Variants in ZFYVE9 observed in about 807,000 individuals in gnomAD.
ZFYVE9 encodes the protein zinc finger FYVE domain-containing protein 9.
In ZFYVE9, 43 loss-of-function variants were observed where a neutral mutation model predicts 126.7. The ratio of observed to expected loss-of-function variants is 0.34; its 90% confidence interval spans 0.27 to 0.44. The LOEUF is 0.44. Among genes scored for constraint, ZFYVE9 ranks in the 20% least tolerant of loss-of-function variants. The pLI is 1.00. For missense variants in ZFYVE9, 1,476 were observed against 1,697.0 expected (o/e 0.87, Z 2.29); for synonymous variants, 521 against 597.4 (o/e 0.87, Z 1.87).
rs1557473256 is a variant in ZFYVE9 at position 52,237,925 on chromosome 1, AATAATT to A, written c.514_519del (p.Tyr172_Asn173del). On this transcript the variant is annotated inframe_deletion, in exon 4 of 19. Coordinates refer to ENST00000287727, the MANE Select transcript of ZFYVE9 (RefSeq NM_004799.4). ...ATTACAAAACGATTTACAGGATTGT[AATAATT>A]ATAATAGTCAATCCCTTATGGATGC... 6.2e-7 allele frequency: 1 copy of A among 1,614,050 alleles called. No individual in the cohort carries two copies. Among genetic ancestry groups the A allele is most frequent in the Non-Finnish European group, 8.5e-7 (1 of 1,179,944 alleles).
chr1:52,153,983 C>G (rs1007714548), intron 1 of ZFYVE9, among the ~76,000 whole-genome samples: 5 of 152,228 alleles, frequency 3.3e-5, no homozygotes, highest in African/African-American at 1.2e-4. Context: ...AGTACATTAG[C>G]TGTGCCTGCA....
At chr1:52,177,042 C>G (rs753968889) in intron 1 of ZFYVE9, among the ~76,000 whole-genome samples, 1 of 152,094 alleles carries the variant, frequency 6.6e-6, no homozygotes, top group Non-Finnish European at 1.5e-5. Context: ...GAGATGAACC[C>G]GGTACCTCAG....
In ZFYVE9 at chr1:52,156,838, C is replaced by CTT. The variant is rs35403349; in HGVS notation, c.-143+14448_-143+14449dup. Among the ~76,000 whole-genome samples the CTT allele has an allele frequency of 1.3e-3, 181 of 144,484 alleles. 4 individuals carry two copies. In the East Asian group the frequency reaches 0.014, roughly 11 times the overall value. The allele number at this position is 144,484 out of a possible 152,430, so 94.8% of individuals were successfully genotyped here. A position where few individuals can be genotyped will look rare whatever the true frequency, so the allele number is the denominator to read the frequency against. On this transcript the variant is annotated intron_variant, in intron 1 of 18. Coordinates refer to ENST00000287727, the MANE Select transcript of ZFYVE9 (RefSeq NM_004799.4). ...TTCCTTTCCCCACTTTAGTGACATTCTTTTTTTTTTTTTTGAGACGGAGTC... is the reference window on the plus strand; with the variant it reads ...TTCCTTTCCCCACTTTAGTGACATTCTTTTTTTTTTTTTTTTGAGACGGAGTC...
In ZFYVE9 at chr1:52,293,392, A is replaced by AG. The variant is rs1645942741; in HGVS notation, c.3026-61_3026-60insG. The AG allele has an allele frequency of 2.3e-5, 30 of 1,310,636 alleles. No homozygotes were observed. In the African/African-American group the frequency reaches 3.4e-4, roughly 15 times the overall value. 81.2% of individuals were successfully genotyped at this position (1,310,636 alleles called of 1,614,324 possible). A position where few individuals can be genotyped will look rare whatever the true frequency, so the allele number is the denominator to read the frequency against. On this transcript the variant is annotated intron_variant, in intron 10 of 18. Transcript: ENST00000287727. ...ACTCCGTCTCAAAAAAAAAAAAAAA[A>AG]AAAAAAGAAATATGATTAATTTATT...
At chr1:52,253,146 C>T (rs755912632) in intron 4 of ZFYVE9, among the ~76,000 whole-genome samples, 20 of 151,860 alleles carry the variant, frequency 1.3e-4, no homozygotes, top group Non-Finnish European at 2.8e-4. Flanking sequence ...AGAGTGAGAC[C>T]CTGTCTCAAA....
rs1044158038 is a variant in ZFYVE9 at position 52,278,391 on chromosome 1, G to A, written c.2747-101G>A. 26 of 1,458,762 alleles carry A rather than the reference G, an allele frequency of 1.8e-5. No individual in the cohort carries two copies. The African/African-American group carries it at 2.8e-4, about 16-fold the overall frequency. The allele number at this position is 1,458,762 out of a possible 1,614,324, so 90.4% of individuals were successfully genotyped here. On this transcript the variant is annotated intron_variant, in intron 8 of 18. Transcript: ENST00000287727. ...GTATGCACCTATTGATAAATCAAAT[G>A]CATGTCTCTTTTCTGTGAATAATTA...
intron 1 of ZFYVE9, among the ~76,000 whole-genome samples, chr1:52,163,470 C>T (rs1438869542): frequency 2.0e-5 from 3 of 152,232 alleles, no homozygotes; most frequent in Non-Finnish European, 2.9e-5. Context: ...TGGTTGCAGG[C>T]TCCAGCAAAA....
rs189370650 is a variant in ZFYVE9, at chr1:52,236,213, A to G, written c.71-1275A>G. ...CATGTTCCTCAATCCTGCTGCTTTT[A>G]CTATGGTAGATATTCACTTATATAT... is the stretch of plus-strand genomic sequence containing the variant. On this transcript the variant is annotated intron_variant, in intron 3 of 18. Coordinates refer to ENST00000287727, the MANE Select transcript of ZFYVE9 (RefSeq NM_004799.4). 5.3e-5 allele frequency among the ~76,000 whole-genome samples: 8 copies of G among 152,292 alleles called. No individual in the cohort carries two copies. The East Asian group carries it at 1.5e-3, about 29-fold the overall frequency.
chr1:52,184,379 A>G (rs988810693), intron 1 of ZFYVE9, among the ~76,000 whole-genome samples: 2 of 144,158 alleles, frequency 1.4e-5, no homozygotes, highest in Admixed American at 1.4e-4. Context: ...GGCGCCTGCC[A>G]CCAAGTCCAG....
At chr1:52,327,477 C>T (rs1019456449) in intron 13 of ZFYVE9, among the ~76,000 whole-genome samples, 6 of 151,804 alleles carry the variant, frequency 4.0e-5, no homozygotes, top group Non-Finnish European at 5.9e-5. Context: ...TGGCGTGTGC[C>T]TGAAGTCCCA....
At chr1:52,343,959 C>G (rs1023453164) in intron 17 of ZFYVE9, among the ~76,000 whole-genome samples, 3 of 151,692 alleles carry the variant, frequency 2.0e-5, no homozygotes, top group Non-Finnish European at 2.9e-5. Flanking sequence ...GTAATCCCAG[C>G]TACTCAGGAG....
At chr1:52,224,446 G>T (rs1454678901) in intron 2 of ZFYVE9, among the ~76,000 whole-genome samples, 1 of 152,110 alleles carries the variant, frequency 6.6e-6, no homozygotes, top group Non-Finnish European at 1.5e-5. Context: ...TATTGAATTT[G>T]GCTTTGCTTT....
In ZFYVE9 at chr1:52,263,774, T is replaced by A; in HGVS notation, c.2180T>A (p.Val727Asp). The A allele has an allele frequency of 2.4e-6, 1 of 425,368 alleles. No individual in the cohort carries two copies. Among genetic ancestry groups the A allele is most frequent in the Non-Finnish European group, 4.0e-6 (1 of 251,436 alleles). The allele number at this position is 425,368 out of a possible 1,614,324, so 26.3% of individuals were successfully genotyped here. ...RRHHCRACGKVFCASCCSLKC... is the reference protein window; with the variant it reads ...RRHHCRACGKDFCASCCSLKC... ...TTCTTCCCCCCCCCCCCCCCACAGGTTTTCTGTGCTTCCTGCTGTAGCCTG... is the reference window on the plus strand; with the variant it reads ...TTCTTCCCCCCCCCCCCCCCACAGGATTTCTGTGCTTCCTGCTGTAGCCTG... The change falls in exon 5 of 19, where the codon GTT (valine) becomes GAT (aspartate). Residue 727 changes from valine to aspartate, a missense_variant and splice_region_variant. Around this residue, in one of 2 missense-constraint regions of ZFYVE9, gnomAD observed 669 missense variants for 902.4 expected, o/e 0.74. Coordinates refer to ENST00000287727, the MANE Select transcript of ZFYVE9 (RefSeq NM_004799.4).
intron 1 of ZFYVE9, among the ~76,000 whole-genome samples, chr1:52,186,630 A>T (rs1644767983): frequency 6.6e-6 from 1 of 152,236 alleles, no homozygotes; most frequent in Admixed American, 6.5e-5. Flanking sequence ...CAGGATACAG[A>T]ATAAACACAG....
chr1:52,331,125 T>C (rs909246689), intron 13 of ZFYVE9, among the ~76,000 whole-genome samples: 11 of 152,032 alleles, frequency 7.2e-5, no homozygotes, highest in Non-Finnish European at 1.6e-4. Context: ...CACCTCGGCC[T>C]CCTAAAGTGC....
intron 12 of ZFYVE9, among the ~76,000 whole-genome samples, chr1:52,296,269 A>G (rs541326438): frequency 6.6e-5 from 10 of 152,026 alleles, no homozygotes; most frequent in Non-Finnish European, 1.2e-4. Context: ...TTACCGTCCA[A>G]CCTTGCAGAA....
chr1:52,238,631 C>G lies in ZFYVE9; in HGVS notation c.1214C>G (p.Thr405Ser). 1 of 1,613,954 alleles carries G rather than the reference C, an allele frequency of 6.2e-7. No homozygotes were observed. The highest frequency in any genetic ancestry group is 8.5e-7 in the Non-Finnish European group (1 of 1,179,960). ...CAGGACATGACTAATTGGAAGTTGA[C>G]TAAACTAAATGAGATGAATGATAGC... Reference protein sequence around the residue: ...ESQDMTNWKLTKLNEMNDSQV... With the variant: ...ESQDMTNWKLSKLNEMNDSQV... The change falls in exon 4 of 19, where the codon ACT (threonine) becomes AGT (serine). Residue 405 changes from threonine to serine, a missense_variant. Around this residue, in one of 2 missense-constraint regions of ZFYVE9, gnomAD observed 807 missense variants for 794.6 expected, o/e 1.02. Coordinates refer to ENST00000287727, the MANE Select transcript of ZFYVE9 (RefSeq NM_004799.4).
chr1:52,237,646 T>G lies in ZFYVE9; in HGVS notation c.229T>G (p.Ser77Ala). 1 of 1,614,100 alleles carries G rather than the reference T, an allele frequency of 6.2e-7. No homozygotes were observed. Among genetic ancestry groups the G allele is most frequent in the Non-Finnish European group, 8.5e-7 (1 of 1,179,966 alleles). The change falls in exon 4 of 19, where the codon TCA (serine) becomes GCA (alanine). Residue 77 changes from serine (S) to alanine (A), a missense_variant. By Grantham distance (99) the Ser-to-Ala change is moderately conservative (BLOSUM62 1). Transcript: ENST00000287727. ...PQLKVFSLAH[S>A]APLTTEEEDH... is the part of the protein sequence containing the mutation. The stretch of plus-strand genomic sequence containing the variant: ...ACTGAAAGTCTTCTCCCTGGCTCAT[T>G]CAGCTCCCCTGACCACAGAGGAAGA...
At chr1:52,176,379 G>A (rs1384836909) in intron 1 of ZFYVE9, among the ~76,000 whole-genome samples, 4 of 152,134 alleles carry the variant, frequency 2.6e-5, no homozygotes, top group East Asian at 1.9e-4. Context: ...AGGAGTACCC[G>A]GCCGTGTGAG....
Sources: allele counts gnomAD v4.1 joint callset (sites outside exome capture counted in the v4.1 genomes callset), GRCh38; gene constraint gnomAD v4.1.1; regional missense constraint gnomAD v4.1.1; transcripts MANE v1.5; gene names NCBI Gene and HGNC (gene_info 2026-07-23, HGNC 2026-07-21).